The following TOX2 variants were observed in gnomAD, a reference collection of about 807,000 sequenced individuals.
TOX2 encodes the protein TOX high mobility group box family member 2.
A neutral mutation model predicts 47.4 loss-of-function variants in TOX2; 15 were observed. That is an observed-to-expected ratio of 0.32 (90% CI 0.21 to 0.49). TOX2 has a LOEUF of 0.49. TOX2 is among the 20% of genes least tolerant of loss of function. The pLI is 0.99. For missense variants in TOX2, 622 were observed against 673.1 expected (o/e 0.92, Z 0.84); for synonymous variants, 290 against 296.6 (o/e 0.98, Z 0.23).
At chr20:44,067,269 G>T (rs904479672) in intron 8 of TOX2, among the ~76,000 whole-genome samples, 1 of 152,100 alleles carries the variant, frequency 6.6e-6, no homozygotes, top group African/African-American at 2.4e-5. Flanking sequence ...AGGACAGGGT[G>T]GGGGAAGGAG....
intron 5 of TOX2, among the ~76,000 whole-genome samples, chr20:44,058,496 C>T (rs1183624945): frequency 2.6e-5 from 4 of 152,220 alleles, no homozygotes; most frequent in Non-Finnish European, 1.5e-5. Flanking sequence ...CATGGCCCCG[C>T]CCACCACCTG....
intron 3 of TOX2, among the ~76,000 whole-genome samples, chr20:44,008,258 T>A (rs1370080134): frequency 2.0e-5 from 3 of 151,784 alleles, no homozygotes; most frequent in Non-Finnish European, 2.9e-5. Flanking sequence ...GAGATATATA[T>A]CCTTAGAATG....
At chr20:43,971,234 C>T (rs1197455197) in intron 1 of TOX2, among the ~76,000 whole-genome samples, 3 of 152,180 alleles carry the variant, frequency 2.0e-5, no homozygotes, top group Non-Finnish European at 4.4e-5. Flanking sequence ...TACAGATAGA[C>T]AAAGATCCCT....
chr20:44,045,955 C>T (rs1018219307), intron 3 of TOX2, among the ~76,000 whole-genome samples: 2 of 152,128 alleles, frequency 1.3e-5, no homozygotes, highest in African/African-American at 2.4e-5. Flanking sequence ...GGTGAGAGTG[C>T]GTAAGCTATG....
intron 2 of TOX2, among the ~76,000 whole-genome samples, chr20:43,979,961 A>T (rs2070142925): frequency 6.6e-6 from 1 of 152,242 alleles, no homozygotes. Flanking sequence ...TGTGGAGAAC[A>T]GTTTGGAGGT....
At chr20:44,038,741 G>A (rs575626941) in intron 3 of TOX2, among the ~76,000 whole-genome samples, 6 of 152,312 alleles carry the variant, frequency 3.9e-5, no homozygotes, top group Admixed American at 1.3e-4. Flanking sequence ...CCAGCTCTGT[G>A]AATCGGCAGA....
At chr20:44,028,734 C>T (rs905830120) in intron 3 of TOX2, among the ~76,000 whole-genome samples, 1 of 152,122 alleles carries the variant, frequency 6.6e-6, no homozygotes, top group African/African-American at 2.4e-5. Context: ...CCCTCCCAGT[C>T]CTGGTGCTGT....
At chr20:44,048,090 G>A (rs1401731374) in intron 3 of TOX2, among the ~76,000 whole-genome samples, 1 of 151,944 alleles carries the variant, frequency 6.6e-6, no homozygotes, top group African/African-American at 2.4e-5. Flanking sequence ...GTGGTGACAT[G>A]CACCTGTAAT....
chr20:43,967,195 G>A lies in TOX2; in HGVS notation c.100-6172G>A, dbSNP rs982216486. ...GTTTCTGTTAAGACAGGGGAGTGCT[G>A]GAGAAACAGCAAGTCCATGTACATG... is the stretch of plus-strand genomic sequence containing the variant. On this transcript the variant is annotated intron_variant, in intron 1 of 8. Coordinates refer to ENST00000341197, the MANE Select transcript of TOX2 (RefSeq NM_001098797.2). Among the ~76,000 whole-genome samples, 4 of 152,130 alleles carry A rather than the reference G, an allele frequency of 2.6e-5. No homozygotes were observed. In the East Asian group the frequency reaches 7.7e-4, roughly 29 times the overall value.
At chr20:44,054,238 A>G (rs888366048) in intron 4 of TOX2, 61 bp from the exon 5 acceptor site, 2 of 1,534,050 alleles carry the variant, frequency 1.3e-6, no homozygotes, top group African/African-American at 2.7e-5. Context: ...GTCTGTGTTG[A>G]TCGCCTTTGG....
chr20:44,009,588 A>G (rs776438795), intron 3 of TOX2, among the ~76,000 whole-genome samples: 15 of 152,308 alleles, frequency 9.8e-5, no homozygotes, highest in Admixed American at 3.9e-4. Context: ...AATTTTTGCT[A>G]TCAGACCTTG....
In TOX2 at chr20:43,981,581, G is replaced by A. The variant is rs183958800; in HGVS notation, c.165+8149G>A. Reference sequence around the variant, plus strand: ...CAGGGATAGAAAAAGACTTTTCACCGTATCTTTTTATGTTTAGGGAGTTTT... The same window carrying A: ...CAGGGATAGAAAAAGACTTTTCACCATATCTTTTTATGTTTAGGGAGTTTT... On this transcript the variant is annotated intron_variant, in intron 2 of 8. Coordinates refer to ENST00000341197, the MANE Select transcript of TOX2 (RefSeq NM_001098797.2). 5.1e-3 allele frequency among the ~76,000 whole-genome samples: 773 copies of A among 152,248 alleles called. 3 individuals are homozygous for A. The highest frequency in any genetic ancestry group is 0.017 in the African/African-American group (723 of 41,546).
intron 1 of TOX2, among the ~76,000 whole-genome samples, chr20:43,923,410 G>C (rs1478064780): frequency 1.3e-5 from 2 of 152,176 alleles, no homozygotes; most frequent in African/African-American, 4.8e-5. Context: ...TAGCCCACCA[G>C]AATCACCTGG....
rs1240218863 is a variant in TOX2 at position 44,068,377 on chromosome 20, C to T, written c.1485-273C>T. On this transcript the variant is annotated intron_variant, in intron 8 of 8. Transcript: ENST00000341197. ...ACCCATGTGAGAGCAATGGTGACAT[C>T]GGCGTGCGCCTCGATGAAAGACAGA... Among the ~76,000 whole-genome samples the T allele has an allele frequency of 5.3e-5, 8 of 152,188 alleles. No individual in the cohort carries two copies. The East Asian group carries it at 9.7e-4, about 18-fold the overall frequency.
intron 1 of TOX2, among the ~76,000 whole-genome samples, chr20:43,919,958 C>T (rs2069096188): frequency 6.6e-6 from 1 of 152,198 alleles, no homozygotes; most frequent in Non-Finnish European, 1.5e-5. Context: ...TGTCTTTTGT[C>T]TGGCGAGATT....
chr20:44,005,322 G>T (rs1233305746), intron 2 of TOX2, among the ~76,000 whole-genome samples: 1 of 152,054 alleles, frequency 6.6e-6, no homozygotes, highest in African/African-American at 2.4e-5. Flanking sequence ...CTTTTTGACC[G>T]TCTATGCCAA....
chr20:43,918,117 T>C (rs1208526946), intron 1 of TOX2, among the ~76,000 whole-genome samples: 1 of 152,190 alleles, frequency 6.6e-6, no homozygotes, highest in Non-Finnish European at 1.5e-5. Context: ...TTAGAGCCTG[T>C]AACATCTTTC....
chr20:44,025,308 A>G (rs984341072), intron 3 of TOX2, among the ~76,000 whole-genome samples: 1 of 151,752 alleles, frequency 6.6e-6, no homozygotes, highest in Admixed American at 6.6e-5. Context: ...AGTTGATCCC[A>G]TCATAGGGTA....
intron 2 of TOX2, among the ~76,000 whole-genome samples, chr20:43,998,591 T>C (rs915010767): frequency 3.9e-5 from 6 of 152,224 alleles, no homozygotes; most frequent in Non-Finnish European, 7.3e-5. Context: ...AAATTTGTCA[T>C]TTCTTCTTAG....
Sources: gnomAD v4.1 joint callset for allele counts (sites outside exome capture counted in the v4.1 genomes callset) on GRCh38, gnomAD v4.1.1 for gene constraint, MANE v1.5 for transcripts, NCBI Gene and HGNC (gene_info 2026-07-23, HGNC 2026-07-21) for gene names.